The following CIITA variants were observed in gnomAD, a reference collection of about 807,000 sequenced individuals.
The protein encoded by CIITA is MHC class II transactivator.
CIITA carries 72 observed loss-of-function variants against 115.1 expected under a neutral mutation model. The observed-to-expected ratio is 0.63, with a 90% CI of 0.52 to 0.76. The LOEUF (loss-of-function observed/expected upper bound fraction) is 0.76, where lower values mean the gene tolerates loss of function less well. Among genes scored for constraint, CIITA ranks in the 30% least tolerant of loss-of-function variants. CIITA has a pLI of 0.00. For missense variants in CIITA, 1,617 were observed against 1,463.8 expected (o/e 1.10, Z -1.71); for synonymous variants, 763 against 635.6 (o/e 1.20, Z -3.02).
At chr16:10,896,870 A>G (rs2038183265) in intron 3 of CIITA, among the ~76,000 whole-genome samples, 1 of 152,246 alleles carries the variant, frequency 6.6e-6, no homozygotes, top group Admixed American at 6.5e-5. Context: ...GGAGGGGACT[A>G]GTAATTGTTC....
chr16:10,923,571 A>G lies in CIITA; in HGVS notation c.*22+246A>G, dbSNP rs2040391003. ...GGGGACAGGAAAGTTGGCCATCCAC[A>G]TCCCACAGCCTCAGTGCTTGGAAGA... is the stretch of plus-strand genomic sequence containing the variant. On this transcript the variant is annotated intron_variant, in intron 19 of 19. Coordinates refer to ENST00000324288, the MANE Select transcript of CIITA (RefSeq NM_000246.4). This position sits in a 1 kb window ranked among gnomAD's most constrained non-coding sequence, Gnocchi z 5.2. Among the ~76,000 whole-genome samples the G allele has an allele frequency of 6.6e-6, 1 of 152,096 alleles. No homozygotes were observed. Among genetic ancestry groups the G allele is most frequent in the Admixed American group, 6.5e-5 (1 of 15,276 alleles).
At chr16:10,871,669 C>G (rs758784454) in intron 1 of CIITA, among the ~76,000 whole-genome samples, 6 of 152,200 alleles carry the variant, frequency 3.9e-5, no homozygotes, top group Non-Finnish European at 7.3e-5. Context: ...CTGTGACACA[C>G]CAGAGAGGAG....
In CIITA at chr16:10,941,873, A is replaced by G; in HGVS notation, n.999A>G. 6.2e-7 allele frequency: 1 copy of G among 1,612,204 alleles called. No homozygotes were observed. The highest frequency in any genetic ancestry group is 8.5e-7 in the Non-Finnish European group (1 of 1,179,756). On this transcript the variant is annotated non_coding_transcript_exon_variant, in exon 2 of 2. Transcript: ENST00000573379. The surrounding 1 kb of genome is among the most constrained non-coding windows in gnomAD (Gnocchi z 6.4). Reference sequence around the variant, plus strand: ...TTGAGGACGATGTACTCCATGAGGAAGGCGTAGTACAGGATCAGCACATTG... The same window carrying G: ...TTGAGGACGATGTACTCCATGAGGAGGGCGTAGTACAGGATCAGCACATTG...
At position 10,902,082 on chromosome 16, in the gene CIITA, G is replaced by A. The variant is rs1159164375; in HGVS notation, c.526G>A (p.Val176Met). 4 of 1,614,190 alleles carry A rather than the reference G, an allele frequency of 2.5e-6. No homozygotes were observed. Among genetic ancestry groups the A allele is most frequent in the Non-Finnish European group, 2.5e-6 (3 of 1,180,040 alleles). Reference protein sequence around the residue: ...VVTGSLLVGPVSDCSTLPCLP... With the variant: ...VVTGSLLVGPMSDCSTLPCLP... ...GACTGGCAGTCTCCTAGTGGGACCA[G>A]TGAGCGACTGCTCCACCCTGCCCTG... The change falls in exon 7 of 20, where the codon GTG becomes ATG. Residue 176 changes from valine (V) to methionine (M), a missense_variant. Transcript: ENST00000324288.
Position 10,901,453 on chromosome 16 carries a change from A to G in CIITA, c.437-61A>G. On this transcript the variant is annotated intron_variant, in intron 5 of 19. Transcript: ENST00000324288. This position sits in a 1 kb window ranked among gnomAD's most constrained non-coding sequence, Gnocchi z 6.8. ...GGCCGTATAGCCTGCTAGAGTCCTG[A>G]GCCCCTTCTGGCTTGGGACATCCTC... 1 of 1,582,532 alleles carries G rather than the reference A, an allele frequency of 6.3e-7. No individual in the cohort carries two copies. The highest frequency in any genetic ancestry group is 8.7e-7 in the Non-Finnish European group (1 of 1,151,894).
upstream of CIITA, among the ~76,000 whole-genome samples, chr16:10,874,968 C>T (rs924635585): frequency 2.0e-5 from 3 of 151,348 alleles, no homozygotes; most frequent in East Asian, 5.8e-4. Context: ...GAATTTCTTT[C>T]TTTTTTTTTC....
intron 1 of CIITA, among the ~76,000 whole-genome samples, chr16:10,885,893 C>T (rs576452085): frequency 2.2e-4 from 34 of 152,230 alleles, no homozygotes; most frequent in African/African-American, 7.5e-4. Context: ...TTTAAACCTT[C>T]GATTAACTGC....
At chr16:10,909,259 T>G in intron 12 of CIITA, 72 bp downstream of exon 12, 1 of 1,528,982 alleles carries the variant, frequency 6.5e-7, no homozygotes, top group Non-Finnish European at 9.0e-7. Context: ...ATTCTCAAGT[T>G]TGTCATGGGC....
In CIITA at chr16:10,909,015, C is replaced by T. The variant is rs1247451487; in HGVS notation, c.2658-14C>T. On this transcript the variant is annotated splice_polypyrimidine_tract_variant and intron_variant, in intron 11 of 19. Transcript: ENST00000324288. ...CTGGTCACCGTGCCTGGGTCTGAGG[C>T]CCTCCCTCCACAGGGCTGCCTTGAG... 6.2e-7 allele frequency: 1 copy of T among 1,614,068 alleles called. No homozygotes were observed. The highest frequency in any genetic ancestry group is 1.7e-5 in the Admixed American group (1 of 60,028).
intron 3 of CIITA, among the ~76,000 whole-genome samples, chr16:10,898,154 C>T (rs1567395893): frequency 6.6e-6 from 1 of 152,164 alleles, no homozygotes; most frequent in Admixed American, 6.5e-5. Context: ...GCCTATATTC[C>T]AAGGGCTCTG....
At chr16:10,889,854 G>T (rs1189808015) in intron 1 of CIITA, among the ~76,000 whole-genome samples, 3 of 152,194 alleles carry the variant, frequency 2.0e-5, no homozygotes, top group African/African-American at 7.2e-5. Context: ...GAGGTCAAGT[G>T]ACTTGGCTAA....
At position 10,918,540 on chromosome 16, in the gene CIITA, CG is replaced by C; in HGVS notation, c.3149+16del. 4 of 1,612,466 alleles carry C rather than the reference CG, an allele frequency of 2.5e-6. No homozygotes were observed. The highest frequency in any genetic ancestry group is 3.4e-6 in the Non-Finnish European group (4 of 1,178,928). On this transcript the variant is annotated intron_variant, in intron 16 of 19. Coordinates refer to ENST00000324288, the MANE Select transcript of CIITA (RefSeq NM_000246.4). ...GCTCAGGCTAAGGTGAGTGGGGCCC[CG>C]GATACCGGTCAGGTGCTGAGCTGGG...
chr16:10,874,812 C>T (rs560623968), upstream of CIITA, among the ~76,000 whole-genome samples: 1 of 152,236 alleles, frequency 6.6e-6, no homozygotes, highest in East Asian at 1.9e-4. Flanking sequence ...GCTGCCTTGG[C>T]CATCGGTCTG....
At chr16:10,904,953 A>G in intron 10 of CIITA, 141 bp downstream of exon 10, 4 of 858,120 alleles carry the variant, frequency 4.7e-6, no homozygotes, top group South Asian at 4.3e-5. Context: ...TCATTCATTC[A>G]TTCACTTATT....
At chr16:10,881,773 C>G (rs915085169) in intron 1 of CIITA, among the ~76,000 whole-genome samples, 2 of 152,168 alleles carry the variant, frequency 1.3e-5, no homozygotes, top group African/African-American at 4.8e-5. Context: ...TACCATCCAT[C>G]TCCAGAACTT....
intron 15 of CIITA, 116 bp from the exon 16 acceptor site, chr16:10,918,324 G>T: frequency 2.1e-6 from 2 of 930,960 alleles, no homozygotes; most frequent in East Asian, 4.8e-5. Flanking sequence ...TTACCGAGAG[G>T]TAGCTTAAGT....
chr16:10,892,099 G>A (rs575919260), intron 1 of CIITA, among the ~76,000 whole-genome samples: 143 of 152,250 alleles, frequency 9.4e-4, no homozygotes, highest in African/African-American at 3.3e-3. Flanking sequence ...CAAGGCGGGT[G>A]GATCACCTGA....
chr16:10,874,673 G>T (rs1363044955), upstream of CIITA, among the ~76,000 whole-genome samples: 1 of 152,254 alleles, frequency 6.6e-6, no homozygotes, highest in African/African-American at 2.4e-5. Context: ...GGGTCTGGAG[G>T]AGTCAGGGAA....
chr16:10,878,498 T>C (rs1265098108), intron 1 of CIITA, among the ~76,000 whole-genome samples: 5 of 152,158 alleles, frequency 3.3e-5, no homozygotes, highest in African/African-American at 1.2e-4. Flanking sequence ...TTTCCATCCA[T>C]GGAAGGTACC....
Sources: allele counts gnomAD v4.1 joint callset (sites outside exome capture counted in the v4.1 genomes callset), GRCh38; gene constraint gnomAD v4.1.1; non-coding constraint Gnocchi (gnomAD v3.1); transcripts MANE v1.5; gene names NCBI Gene and HGNC (gene_info 2026-07-23, HGNC 2026-07-21).